MORC3: variants seen among roughly 807,000 people sequenced by gnomAD.
The protein encoded by MORC3 is MORC family CW-type zinc finger protein 3.
MORC3 carries 31 observed loss-of-function variants against 109.1 expected under a neutral mutation model. The ratio of observed to expected loss-of-function variants is 0.28; its 90% confidence interval spans 0.21 to 0.38. The LOEUF is 0.38. MORC3 is among the 10% of genes least tolerant of loss of function. The probability of loss-of-function intolerance (pLI) is 1.00; values close to 1 mark genes in which losing one functional copy is unlikely to be tolerated. For synonymous variants in MORC3, 395 were observed against 380.7 expected (o/e 1.04, Z -0.44); for missense variants, 867 against 1,135.8 (o/e 0.76, Z 3.40).
chr21:36,327,333 CT>C (rs1184360446), intron 1 of MORC3, among the ~76,000 whole-genome samples: 2 of 143,950 alleles, frequency 1.4e-5, no homozygotes, highest in Non-Finnish European at 3.0e-5. Flanking sequence ...ATTTTTTTGG[CT>C]TTTGGTAGAG....
rs2085812992 is a variant in MORC3, at chr21:36,368,899, A to G, written c.1620-89A>G. On this transcript the variant is annotated intron_variant, in intron 14 of 16. Transcript: ENST00000400485. ...CTCAAAAAACAAAAAAACTGTTACA[A>G]TACTGCATTTGTTAGAATGATTACT... 7 of 1,257,950 alleles carry G rather than the reference A, an allele frequency of 5.6e-6. No individual in the cohort carries two copies. In the South Asian group the frequency reaches 6.4e-5, roughly 11 times the overall value. The allele number at this position is 1,257,950 out of a possible 1,614,324, so 77.9% of individuals were successfully genotyped here.
intron 1 of MORC3, among the ~76,000 whole-genome samples, chr21:36,321,750 AG>A (rs2085196500): frequency 1.3e-5 from 2 of 150,814 alleles, no homozygotes; most frequent in Admixed American, 1.3e-4. Context: ...TCCTCTCTCG[AG>A]GTTGAGTCTT....
chr21:36,374,967 ACT>A (rs1352491942), intron 16 of MORC3, among the ~76,000 whole-genome samples, 174 bp from the exon 17 acceptor site: 8 of 152,132 alleles, frequency 5.3e-5, no homozygotes, highest in Non-Finnish European at 7.4e-5. Context: ...AGTGCACCTG[ACT>A]CATAAAAGTG....
chr21:36,327,014 C>T (rs2085254826), intron 1 of MORC3, among the ~76,000 whole-genome samples: 1 of 151,920 alleles, frequency 6.6e-6, no homozygotes. Flanking sequence ...CGGGTTTTGC[C>T]ATGTTGCCCA....
chr21:36,344,494 A>G (rs2085486367), intron 6 of MORC3, 85 bp from the exon 7 acceptor site: 1 of 1,422,358 alleles, frequency 7.0e-7, no homozygotes, highest in African/African-American at 1.4e-5. Flanking sequence ...TTATCAAGTT[A>G]ATAGGAGAGC....
At chr21:36,374,818 T>C (rs538119655) in intron 16 of MORC3, among the ~76,000 whole-genome samples, 2 of 152,062 alleles carry the variant, frequency 1.3e-5, no homozygotes, top group South Asian at 2.1e-4. Context: ...ACTACAGGTG[T>C]CGTCACCAAG....
chr21:36,327,037 A>G (rs1311761178), intron 1 of MORC3, among the ~76,000 whole-genome samples: 1 of 148,138 alleles, frequency 6.8e-6, no homozygotes, highest in Non-Finnish European at 1.5e-5. Flanking sequence ...CTGGTCTTGA[A>G]CTCTTGACCT....
At chr21:36,333,548 T>C in intron 1 of MORC3, 98 bp from the exon 2 acceptor site, 1 of 923,070 alleles carries the variant, frequency 1.1e-6, no homozygotes. Flanking sequence ...TCACTTTTGT[T>C]TGGTCTCAAT....
intron 8 of MORC3, among the ~76,000 whole-genome samples, chr21:36,348,699 G>A (rs938491033): frequency 4.6e-5 from 7 of 152,180 alleles, no homozygotes; most frequent in African/African-American, 1.7e-4. Flanking sequence ...GTGAGCCATC[G>A]CCCCTGGCAG....
At position 36,375,882 on chromosome 21, in the gene MORC3, A is replaced by G. The variant is rs1465868945; in HGVS notation, c.*586A>G. ...AAGCAAAAACCAACTCCATTTTGCC[A>G]GGATTTTGTTGTGCTGAGATTGCCA... On this transcript the variant is annotated 3_prime_UTR_variant, in exon 17 of 17. Coordinates refer to ENST00000400485, the MANE Select transcript of MORC3 (RefSeq NM_015358.3). 1 of 152,314 alleles carries G rather than the reference A, an allele frequency of 6.6e-6. No homozygotes were observed. The highest frequency in any genetic ancestry group is 1.9e-4 in the East Asian group (1 of 5,204). 9.4% of individuals were successfully genotyped at this position (152,314 alleles called of 1,614,324 possible).
intron 15 of MORC3, among the ~76,000 whole-genome samples, chr21:36,371,794 T>G (rs941441715): frequency 1.1e-4 from 16 of 151,194 alleles, no homozygotes; most frequent in Non-Finnish European, 1.8e-4. Context: ...GTATCTTGGT[T>G]TTTCTGTTTT....
rs1569092920 is a variant in MORC3 at position 36,337,929 on chromosome 21, T to C, written c.443T>C (p.Val148Ala). The C allele has an allele frequency of 1.9e-6, 3 of 1,614,092 alleles. No homozygotes were observed. Among genetic ancestry groups the C allele is most frequent in the Admixed American group, 1.7e-5 (1 of 60,012 alleles). ...IKAEHVVVPI[V>A]AFNKHRQMIN... ...GCGGAGCATGTTGTTGTTCCAATAG[T>C]GGCATTCAACAAGCACCATATCCTT... The change falls in exon 4 of 17, where the codon GTG becomes GCG. Residue 148 changes from valine (V) to alanine (A), a missense_variant. By Grantham distance (64) the Val-to-Ala change is moderately conservative. Around this residue, in one of 7 missense-constraint regions of MORC3, gnomAD observed 134 missense variants for 166.6 expected, o/e 0.80. Transcript: ENST00000400485.
At chr21:36,322,285 A>G (rs2085202511) in intron 1 of MORC3, among the ~76,000 whole-genome samples, 1 of 152,224 alleles carries the variant, frequency 6.6e-6, no homozygotes, top group Non-Finnish European at 1.5e-5. Context: ...GCATGCGTTA[A>G]GAGATAAAAA....
At chr21:36,362,426 C>G (rs944721310) in intron 13 of MORC3, among the ~76,000 whole-genome samples, 198 bp downstream of exon 13, 6 of 151,506 alleles carry the variant, frequency 4.0e-5, no homozygotes, top group Non-Finnish European at 8.8e-5. Flanking sequence ...ACCTGTAATC[C>G]CAGCTACTCG....
At chr21:36,364,408 T>C (rs984323723) in intron 14 of MORC3, 149 bp downstream of exon 14, 9 of 932,342 alleles carry the variant, frequency 9.7e-6, no homozygotes, top group Non-Finnish European at 1.4e-5. Context: ...GGACAAATTG[T>C]CTTGCTTTTA....
At chr21:36,349,935 C>T (rs2085552017) in intron 9 of MORC3, among the ~76,000 whole-genome samples, 1 of 152,092 alleles carries the variant, frequency 6.6e-6, no homozygotes, top group African/African-American at 2.4e-5. Flanking sequence ...TCACTGGGCC[C>T]TAGCAAAATA....
chr21:36,353,747 A>ATT (rs1569101617), intron 9 of MORC3, among the ~76,000 whole-genome samples: 1 of 65,510 alleles, frequency 1.5e-5, no homozygotes, highest in African/African-American at 8.6e-5. Context: ...AGCCCGGCTA[A>ATT]TTTTTGTATT....
Position 36,364,256 on chromosome 21 carries a change from A to G in MORC3, c.1616A>G (p.Asn539Ser), listed in dbSNP as rs374082185. 19 of 1,613,602 alleles carry G rather than the reference A, an allele frequency of 1.2e-5. No homozygotes were observed. The highest frequency in any genetic ancestry group is 1.3e-5 in the African/African-American group (1 of 74,900). Residue 539 changes from asparagine (N) to serine (S), a missense_variant, in exon 14 of 17, where the codon AAC (asparagine) becomes AGC (serine). Around this residue, in one of 7 missense-constraint regions of MORC3, gnomAD observed 486 missense variants for 502.1 expected, o/e 0.97. Coordinates refer to ENST00000400485, the MANE Select transcript of MORC3 (RefSeq NM_015358.3). The part of the protein sequence containing the change: ...QVPPQSEPES[N>S]SLKRRLSTRS... Reference sequence around the variant, plus strand: ...CCACCTCAGTCTGAACCTGAGAGCAACAGGTCAGTGGCTAAGATTGGTTTT... The same window carrying G: ...CCACCTCAGTCTGAACCTGAGAGCAGCAGGTCAGTGGCTAAGATTGGTTTT...
intron 1 of MORC3, 64 bp downstream of exon 1, chr21:36,320,367 G>C (rs2085176614): frequency 1.5e-6 from 2 of 1,313,004 alleles, no homozygotes; most frequent in Middle Eastern, 2.7e-4. Context: ...AGCGAAGGGG[G>C]GCCGGCAGTG....
Sources: allele counts gnomAD v4.1 joint callset (sites outside exome capture counted in the v4.1 genomes callset), GRCh38; gene constraint gnomAD v4.1.1; regional missense constraint gnomAD v4.1.1; transcripts MANE v1.5; gene names NCBI Gene and HGNC (gene_info 2026-07-23, HGNC 2026-07-21).